ROBO2: variants seen among roughly 807,000 people sequenced by gnomAD.
ROBO2 encodes the protein roundabout homolog 2.
In ROBO2, 53 loss-of-function variants were observed where a neutral mutation model predicts 160.8. The ratio of observed to expected loss-of-function variants is 0.33; its 90% confidence interval spans 0.26 to 0.41. ROBO2 has a LOEUF of 0.41. ROBO2 is among the 10% of genes least tolerant of loss of function. The pLI is 1.00. For missense variants in ROBO2, 1,577 were observed against 1,722.4 expected (o/e 0.92, Z 1.49); for synonymous variants, 664 against 611.7 (o/e 1.09, Z -1.26).
chr3:76,043,721 T>C (rs80007768), intron 2 of ROBO2, among the ~76,000 whole-genome samples: 2,988 of 151,838 alleles, frequency 0.02, 144 homozygotes, highest in African/African-American at 0.068. Context: ...ACCATAGTTT[T>C]GGTTTAAGCC....
At chr3:76,670,947 A>C (rs1337231009) in intron 2 of ROBO2, among the ~76,000 whole-genome samples, 1 of 148,942 alleles carries the variant, frequency 6.7e-6, no homozygotes, top group South Asian at 2.1e-4. Context: ...TTTTTTTTTT[A>C]ATCCACTGCT....
At chr3:77,141,283 G>GCC (rs149819210) in intron 2 of ROBO2, among the ~76,000 whole-genome samples, 8 of 146,966 alleles carry the variant, frequency 5.4e-5, no homozygotes, top group African/African-American at 2.0e-4. Context: ...TACATATAAA[G>GCC]CCCCCCCCCC....
At position 77,027,267 on chromosome 3, in the gene ROBO2, C is replaced by T. The variant is rs4312693; in HGVS notation, c.110-70747C>T. Reference sequence around the variant, plus strand: ...GTGATGACAACATCATATTACAAAACGAAATTTCAGCCTGAGCAAAGTAGG... The same window carrying T: ...GTGATGACAACATCATATTACAAAATGAAATTTCAGCCTGAGCAAAGTAGG... On this transcript the variant is annotated intron_variant, in intron 2 of 26. Transcript: ENST00000487694. Among the ~76,000 whole-genome samples the T allele has an allele frequency of 6.1e-4, 92 of 152,022 alleles. No individual in the cohort carries two copies. In the South Asian group the frequency reaches 7.7e-3, roughly 13 times the overall value.
intron 2 of ROBO2, among the ~76,000 whole-genome samples, chr3:76,678,716 C>A (rs1382268951): frequency 6.6e-6 from 1 of 151,946 alleles, no homozygotes. Context: ...AAAAGGGGCT[C>A]TGGAGACAAG....
chr3:76,113,558 T>G (rs2070334024), intron 2 of ROBO2, among the ~76,000 whole-genome samples: 1 of 152,066 alleles, frequency 6.6e-6, no homozygotes, highest in Admixed American at 6.6e-5. Context: ...TAAAAGGAAT[T>G]AATATATTGA....
chr3:76,231,849 C>T (rs1704639203), intron 2 of ROBO2, among the ~76,000 whole-genome samples: 1 of 152,172 alleles, frequency 6.6e-6, no homozygotes, highest in African/African-American at 2.4e-5. Flanking sequence ...CGTAGAAAAA[C>T]AGATTAATTC....
At chr3:77,389,788 A>G (rs2074524051) in intron 2 of ROBO2, among the ~76,000 whole-genome samples, 1 of 151,904 alleles carries the variant, frequency 6.6e-6, no homozygotes, top group South Asian at 2.1e-4. Context: ...CAGCAAGACC[A>G]TGACATTGGC....
At chr3:77,587,563 T>C (rs920668242) in intron 16 of ROBO2, among the ~76,000 whole-genome samples, 3 of 151,960 alleles carry the variant, frequency 2.0e-5, no homozygotes, top group African/African-American at 7.2e-5. Context: ...CCTCCCAAAA[T>C]ATATGAAGTA....
chr3:77,533,308 G>A (rs1186292549), intron 6 of ROBO2, among the ~76,000 whole-genome samples: 1 of 152,088 alleles, frequency 6.6e-6, no homozygotes, highest in Non-Finnish European at 1.5e-5. Context: ...GTTTTCAGGT[G>A]TGTCAGTTTT....
chr3:76,762,849 T>C (rs1379856050), intron 2 of ROBO2, among the ~76,000 whole-genome samples: 1 of 151,730 alleles, frequency 6.6e-6, no homozygotes, highest in Non-Finnish European at 1.5e-5. Flanking sequence ...GTTACCTATA[T>C]TGTGTTATTT....
At chr3:76,073,118 G>A (rs921831051) in intron 2 of ROBO2, among the ~76,000 whole-genome samples, 68 of 152,086 alleles carry the variant, frequency 4.5e-4, no homozygotes, top group African/African-American at 1.4e-3. Context: ...CTCTTGTATC[G>A]TGGCTGAAAT....
intron 2 of ROBO2, among the ~76,000 whole-genome samples, chr3:76,974,128 C>A (rs1292072960): frequency 6.6e-6 from 1 of 152,084 alleles, no homozygotes; most frequent in Non-Finnish European, 1.5e-5. Flanking sequence ...ATAAAATTAT[C>A]TTTTATTTGA....
chr3:76,820,729 G>C (rs924860811), intron 2 of ROBO2, among the ~76,000 whole-genome samples: 3 of 151,890 alleles, frequency 2.0e-5, no homozygotes, highest in African/African-American at 7.2e-5. Flanking sequence ...TGAGAGTCTG[G>C]AAATATGCAG....
intron 5 of ROBO2, among the ~76,000 whole-genome samples, chr3:77,510,064 G>A (rs1582583607): frequency 6.6e-6 from 1 of 151,936 alleles, no homozygotes; most frequent in African/African-American, 2.4e-5. Flanking sequence ...GAGTATAGGA[G>A]GGGACTGGTG....
chr3:77,295,276 G>T lies in ROBO2; in HGVS notation c.389-182138G>T, dbSNP rs547407095. 8.7e-4 allele frequency among the ~76,000 whole-genome samples: 129 copies of T among 148,206 alleles called. 2 individuals carry two copies. Among genetic ancestry groups the T allele is most frequent in the Non-Finnish European group, 1.6e-3 (110 of 67,584 alleles). On this transcript the variant is annotated intron_variant, in intron 2 of 25. Transcript: ENST00000461745. ...AATTGACGATTAAACGGTAAGCTGA[G>T]GCTAGATCACCAAAGACATTAAGTA...
intron 2 of ROBO2, among the ~76,000 whole-genome samples, chr3:77,403,948 G>T (rs1440695337): frequency 6.6e-6 from 1 of 151,972 alleles, no homozygotes; most frequent in Non-Finnish European, 1.5e-5. Context: ...TTGGCACTAG[G>T]CTCGAAAATG....
intron 2 of ROBO2, among the ~76,000 whole-genome samples, chr3:76,256,196 G>A (rs1049557093): frequency 2.1e-4 from 32 of 152,124 alleles, no homozygotes; most frequent in Non-Finnish European, 4.4e-4. Flanking sequence ...TGTAGTCCCA[G>A]CTGCTAGGGA....
chr3:76,284,163 T>C (rs555975330), intron 2 of ROBO2, among the ~76,000 whole-genome samples: 10 of 152,082 alleles, frequency 6.6e-5, no homozygotes, highest in Non-Finnish European at 1.5e-4. Context: ...ATTTAGATAC[T>C]TTCAATTATA....
At chr3:77,405,237 G>T (rs1008959665) in intron 2 of ROBO2, among the ~76,000 whole-genome samples, 1 of 152,090 alleles carries the variant, frequency 6.6e-6, no homozygotes, top group Non-Finnish European at 1.5e-5. Flanking sequence ...ATATGATAGT[G>T]TATGAATGTT....
Sources: allele counts gnomAD v4.1 joint callset (sites outside exome capture counted in the v4.1 genomes callset), GRCh38; gene constraint gnomAD v4.1.1; transcripts MANE v1.5; gene names NCBI Gene and HGNC (gene_info 2026-07-23, HGNC 2026-07-21).